Variants in ULK4 observed in about 807,000 individuals in gnomAD.
The protein encoded by ULK4 is unc-51 like kinase 4.
ULK4 carries 133 observed loss-of-function variants against 160.6 expected under a neutral mutation model. The ratio of observed to expected loss-of-function variants is 0.83; its 90% CI spans 0.72 to 0.96. ULK4 has a LOEUF of 0.96. Ranked by LOEUF, ULK4 falls within the 40% of genes least tolerant of loss-of-function variation. The pLI, the probability that ULK4 is intolerant of heterozygous loss-of-function variation, is 0.00. For synonymous variants in ULK4, 534 were observed against 539.8 expected (o/e 0.99, Z 0.15); for missense variants, 1,580 against 1,499.5 (o/e 1.05, Z -0.89).
intron 30 of ULK4, among the ~76,000 whole-genome samples, chr3:41,655,690 TTTGA>T (rs2034914039): frequency 6.6e-6 from 1 of 152,070 alleles, no homozygotes; most frequent in African/African-American, 2.4e-5. Context: ...CTGGGCAACA[TTTGA>T]ATGAATTTAT....
intron 34 of ULK4, among the ~76,000 whole-genome samples, chr3:41,413,238 A>G (rs1274299737): frequency 6.6e-6 from 1 of 152,186 alleles, no homozygotes. Flanking sequence ...ATTATTTCCC[A>G]CTGGGTCCCT....
intron 19 of ULK4, among the ~76,000 whole-genome samples, chr3:41,800,777 G>C (rs1002044450): frequency 6.6e-6 from 1 of 152,152 alleles, no homozygotes; most frequent in Admixed American, 6.5e-5. Context: ...CCTAAGAAAG[G>C]TATTGCTTCA....
At chr3:41,721,279 T>TTTTTTTTTTTTTTTTTTTGG (rs67078043) in intron 22 of ULK4, among the ~76,000 whole-genome samples, 1 of 98,922 alleles carries the variant, frequency 1.0e-5, no homozygotes, top group African/African-American at 4.4e-5. Flanking sequence ...TTTTTTTTTT[T>TTTTTTTTTTTTTTTTTTTGG]TTTTTGGGTT....
At chr3:41,424,394 A>G (rs1355483517) in intron 34 of ULK4, among the ~76,000 whole-genome samples, 1 of 152,200 alleles carries the variant, frequency 6.6e-6, no homozygotes, top group Non-Finnish European at 1.5e-5. Flanking sequence ...CCCCCAGTGC[A>G]GCACACCTCC....
chr3:41,538,735 A>T (rs1196256963), intron 32 of ULK4, among the ~76,000 whole-genome samples: 1 of 152,158 alleles, frequency 6.6e-6, no homozygotes, highest in Non-Finnish European at 1.5e-5. Context: ...CAAAATTATT[A>T]TAGTAGTAAA....
intron 16 of ULK4, among the ~76,000 whole-genome samples, chr3:41,890,295 A>T (rs1414507748): frequency 6.6e-6 from 1 of 152,202 alleles, no homozygotes; most frequent in Non-Finnish European, 1.5e-5. Context: ...AAGTCAAGAG[A>T]GACAAACTCC....
intron 35 of ULK4, among the ~76,000 whole-genome samples, chr3:41,256,435 A>G (rs1371096251): frequency 2.0e-5 from 3 of 152,218 alleles, no homozygotes; most frequent in Non-Finnish European, 4.4e-5. Flanking sequence ...AAACAGAACT[A>G]CACAAATTAT....
chr3:41,391,048 C>G (rs1425716322), intron 35 of ULK4, among the ~76,000 whole-genome samples: 1 of 152,080 alleles, frequency 6.6e-6, no homozygotes, highest in Non-Finnish European at 1.5e-5. Context: ...TGAGAACATG[C>G]AATGTTTATC....
chr3:41,531,668 T>C (rs890210026), intron 32 of ULK4, among the ~76,000 whole-genome samples: 1 of 152,180 alleles, frequency 6.6e-6, no homozygotes, highest in African/African-American at 2.4e-5. Context: ...TACTGTAAGG[T>C]GTTTTATTCC....
chr3:41,711,376 G>A lies in ULK4; in HGVS notation c.2634+3861C>T, dbSNP rs368248190. ...GGGGTGTGAAGCAGTGTGTGCCAGC[G>A]CTCTCAATATCATTCAGTGATCCCC... On this transcript the variant is annotated intron_variant, in intron 25 of 36. Coordinates refer to ENST00000301831, the MANE Select transcript of ULK4 (RefSeq NM_017886.4). Among the ~76,000 whole-genome samples, 123 of 152,278 alleles carry A rather than the reference G, an allele frequency of 8.1e-4. No individual in the cohort carries two copies. In the Middle Eastern group the frequency reaches 0.01, roughly 13 times the overall value.
At chr3:41,586,509 A>C (rs550856245) in intron 31 of ULK4, among the ~76,000 whole-genome samples, 193 of 152,330 alleles carry the variant, frequency 1.3e-3, no homozygotes, top group African/African-American at 4.2e-3. Flanking sequence ...GAGGGTTGAA[A>C]ACAATGTTTA....
At chr3:41,866,487 C>T (rs986436542) in intron 17 of ULK4, among the ~76,000 whole-genome samples, 2 of 152,310 alleles carry the variant, frequency 1.3e-5, no homozygotes, top group South Asian at 4.2e-4. Context: ...CTACATCCCT[C>T]GCATGCGCAG....
intron 30 of ULK4, among the ~76,000 whole-genome samples, chr3:41,633,545 T>C (rs2033830498): frequency 2.0e-5 from 3 of 152,116 alleles, no homozygotes; most frequent in Admixed American, 2.0e-4. Context: ...TGGGTGCCAT[T>C]AAGGGTAAGA....
At chr3:41,625,225 T>C (rs1198445067) in intron 30 of ULK4, among the ~76,000 whole-genome samples, 1 of 152,216 alleles carries the variant, frequency 6.6e-6, no homozygotes, top group Non-Finnish European at 1.5e-5. Flanking sequence ...TGTTCTGTAA[T>C]GTACTGAGTG....
chr3:41,726,784 T>C (rs547034403), intron 22 of ULK4, among the ~76,000 whole-genome samples: 14 of 152,246 alleles, frequency 9.2e-5, no homozygotes, highest in Admixed American at 8.5e-4. Flanking sequence ...CTAATTTTTG[T>C]ATTTTTGTTT....
At chr3:41,344,100 A>C (rs560640377) in intron 35 of ULK4, among the ~76,000 whole-genome samples, 7 of 152,246 alleles carry the variant, frequency 4.6e-5, no homozygotes, top group Non-Finnish European at 8.8e-5. Context: ...GCAGTAACAA[A>C]AACAGCATGG....
At chr3:41,854,186 A>G (rs2042280932) in intron 17 of ULK4, 1 of 152,266 alleles carries the variant, frequency 6.6e-6, no homozygotes, top group African/African-American at 2.4e-5. Flanking sequence ...ACTGCCAGAG[A>G]GGACAGAATC....
At chr3:41,613,291 G>T (rs2032790814) in intron 31 of ULK4, among the ~76,000 whole-genome samples, 1 of 151,990 alleles carries the variant, frequency 6.6e-6, no homozygotes, top group Non-Finnish European at 1.5e-5. Context: ...CTATGACACG[G>T]TTTCTTATTA....
intron 22 of ULK4, among the ~76,000 whole-genome samples, chr3:41,718,492 T>C (rs1246477992): frequency 1.3e-5 from 2 of 150,852 alleles, no homozygotes; most frequent in African/African-American, 5.0e-5. Flanking sequence ...TACTGGACCA[T>C]CACCTTAGAC....
Sources: gnomAD v4.1 joint callset for allele counts (sites outside exome capture counted in the v4.1 genomes callset) on GRCh38, gnomAD v4.1.1 for gene constraint, MANE v1.5 for transcripts, NCBI Gene and HGNC (gene_info 2026-07-23, HGNC 2026-07-21) for gene names.